The following CNTNAP3B variants were observed in gnomAD, a reference collection of about 807,000 sequenced individuals.
The protein encoded by CNTNAP3B is contactin associated protein family member 3B, also known as contactin-associated protein-like 3B.
In CNTNAP3B, 25 loss-of-function variants were observed where a neutral mutation model predicts 108.9. The observed-to-expected ratio is 0.23, with a 90% confidence interval of 0.17 to 0.32. The LOEUF is 0.32. Ranked by LOEUF, CNTNAP3B falls within the 10% of genes least tolerant of loss-of-function variation. CNTNAP3B has a pLI of 1.00. For synonymous variants in CNTNAP3B, 103 were observed against 473.4 expected (o/e 0.22, Z 10.16); for missense variants, 252 against 1,210.4 (o/e 0.21, Z 11.75).
At chr9:42,057,885 C>T (rs893220500) in intron 3 of CNTNAP3B, among the ~76,000 whole-genome samples, 1 of 131,804 alleles carries the variant, frequency 7.6e-6, no homozygotes, top group Non-Finnish European at 1.6e-5. Flanking sequence ...ACTCGCTAGT[C>T]CCTGGTAACA....
intron 3 of CNTNAP3B, among the ~76,000 whole-genome samples, chr9:42,058,172 C>T (rs1186763517): frequency 1.4e-5 from 2 of 147,548 alleles, no homozygotes; most frequent in Non-Finnish European, 3.0e-5. Context: ...CTGCAATGAA[C>T]ATGGTTGTAC....
At chr9:41,943,901 T>A (rs1437250237) in intron 13 of CNTNAP3B, among the ~76,000 whole-genome samples, 1 of 152,230 alleles carries the variant, frequency 6.6e-6, no homozygotes, top group African/African-American at 2.4e-5. Context: ...TTCTTAAAAT[T>A]AAAATAAAAT....
In CNTNAP3B at chr9:42,031,148, C is replaced by T. The variant is rs1237419858; in HGVS notation, c.391-17623G>A. Among the ~76,000 whole-genome samples the T allele has an allele frequency of 5.1e-5, 4 of 78,550 alleles. No homozygotes were observed. The South Asian group carries it at 1.4e-3, about 27-fold the overall frequency. The allele number at this position is 78,550 out of a possible 152,430, so 51.5% of individuals were successfully genotyped here. A position where few individuals can be genotyped will look rare whatever the true frequency, so the allele number is the denominator to read the frequency against. Reference sequence around the variant, plus strand: ...ATGATTTTTTTTAAACCAACTCTTCCTGATTGGTTCAGGATGTGCTTCTAC... The same window carrying T: ...ATGATTTTTTTTAAACCAACTCTTCTTGATTGGTTCAGGATGTGCTTCTAC... On this transcript the variant is annotated intron_variant, in intron 3 of 23. Coordinates refer to ENST00000377561, the MANE Select transcript of CNTNAP3B (RefSeq NM_001201380.3).
chr9:41,988,395 C>A (rs1825747827), intron 8 of CNTNAP3B, among the ~76,000 whole-genome samples: 1 of 131,910 alleles, frequency 7.6e-6, no homozygotes, highest in Non-Finnish European at 1.6e-5. Flanking sequence ...ACTACAGGCA[C>A]CCGCCACCAC....
chr9:42,070,810 A>G (rs1827360637), intron 3 of CNTNAP3B, among the ~76,000 whole-genome samples: 1 of 152,116 alleles, frequency 6.6e-6, no homozygotes, highest in Non-Finnish European at 1.5e-5. Context: ...CGGAAAATAA[A>G]GATAACAATT....
intron 1 of CNTNAP3B, among the ~76,000 whole-genome samples, chr9:42,109,986 A>C (rs1334246823): frequency 1.4e-5 from 2 of 138,800 alleles, no homozygotes; most frequent in African/African-American, 5.7e-5. Flanking sequence ...GAAGAAACGA[A>C]GAATGCATGT....
At chr9:42,120,080 A>G (rs1828425149) in intron 1 of CNTNAP3B, among the ~76,000 whole-genome samples, 1 of 150,748 alleles carries the variant, frequency 6.6e-6, no homozygotes, top group South Asian at 2.1e-4. Flanking sequence ...TACTCATCTG[A>G]CAAAGGGCTA....
Position 42,080,460 on chromosome 9 carries a change from G to A in CNTNAP3B, c.197-3398C>T, listed in dbSNP as rs189931962. 6.7e-3 allele frequency among the ~76,000 whole-genome samples: 932 copies of A among 138,766 alleles called. 39 individuals are homozygous for A. Among genetic ancestry groups the A allele is most frequent in the East Asian group, 0.018 (81 of 4,556 alleles). 91.0% of individuals were successfully genotyped at this position (138,766 alleles called of 152,430 possible). ...TGCACACAATTTAATTAAACGCTGA[G>A]TGGAAATGGTGGGAAACACAGCGTG... On this transcript the variant is annotated intron_variant, in intron 2 of 23. Transcript: ENST00000377561.
intron 3 of CNTNAP3B, among the ~76,000 whole-genome samples, chr9:42,036,412 G>T (rs1826632207): frequency 1.4e-5 from 2 of 139,722 alleles, no homozygotes; most frequent in South Asian, 4.6e-4. Context: ...TCACTTAAAT[G>T]ATATATGTCA....
chr9:42,024,919 T>G (rs1207277099), intron 3 of CNTNAP3B, among the ~76,000 whole-genome samples: 1 of 143,378 alleles, frequency 7.0e-6, no homozygotes, highest in Non-Finnish European at 1.5e-5. Context: ...TTTCTGAATA[T>G]CCTGGTTTCT....
Position 41,916,859 on chromosome 9 carries a change from AAT to A in CNTNAP3B, c.2995+3209_2995+3210del, listed in dbSNP as rs1450371010. ...ACAATGGTTTTCTTTCATCTCTTTG[AAT>A]ATGTTATCTCACTGTCCTTTGGCCT... On this transcript the variant is annotated intron_variant, in intron 18 of 23. Transcript: ENST00000377561. Among the ~76,000 whole-genome samples, 15 of 149,394 alleles carry A rather than the reference AAT, an allele frequency of 1.0e-4. No individual in the cohort carries two copies. In the South Asian group the frequency reaches 3.2e-3, roughly 32 times the overall value.
At chr9:42,094,994 C>T (rs1827871311) in intron 2 of CNTNAP3B, among the ~76,000 whole-genome samples, 1 of 137,308 alleles carries the variant, frequency 7.3e-6, no homozygotes, top group Admixed American at 7.2e-5. Context: ...ATCAGCATAT[C>T]AGTCACCTCA....
chr9:42,127,811 T>A lies in CNTNAP3B; in HGVS notation c.85+1199A>T, dbSNP rs112410970. ...TGCACAGTGAGTGCATGAACCCATG[T>A]GCGTGCCCTGTGTGTGAAGAAACAA... On this transcript the variant is annotated intron_variant, in intron 1 of 23. Coordinates refer to ENST00000377561, the MANE Select transcript of CNTNAP3B (RefSeq NM_001201380.3). Among the ~76,000 whole-genome samples the A allele has an allele frequency of 2.2e-5, 3 of 139,508 alleles. 1 individual carries two copies. The highest frequency in any genetic ancestry group is 8.5e-5 in the African/African-American group (3 of 35,102). The allele number at this position is 139,508 out of a possible 152,430, so 91.5% of individuals were successfully genotyped here. A position where few individuals can be genotyped will look rare whatever the true frequency, so the allele number is the denominator to read the frequency against.
In CNTNAP3B at chr9:42,117,677, G is replaced by A. The variant is rs1332263615; in HGVS notation, c.85+11333C>T. ...AGAAGGCAAGAAATAACTAAGATCA[G>A]AGCAGAACTGAAGGAAATAGAGACA... On this transcript the variant is annotated intron_variant, in intron 1 of 23. Transcript: ENST00000377561. 2.9e-5 allele frequency among the ~76,000 whole-genome samples: 4 copies of A among 135,622 alleles called. 1 individual carries two copies. Among genetic ancestry groups the A allele is most frequent in the Non-Finnish European group, 6.3e-5 (4 of 63,928 alleles). 89.0% of individuals were successfully genotyped at this position (135,622 alleles called of 152,430 possible). A position where few individuals can be genotyped will look rare whatever the true frequency, so the allele number is the denominator to read the frequency against.
chr9:41,952,445 C>G (rs1178294602), intron 13 of CNTNAP3B, among the ~76,000 whole-genome samples: 1 of 152,238 alleles, frequency 6.6e-6, no homozygotes, highest in Non-Finnish European at 1.5e-5. Flanking sequence ...CAGTATTTAA[C>G]TATAATTAGC....
intron 1 of CNTNAP3B, among the ~76,000 whole-genome samples, chr9:42,115,607 G>T (rs1409614252): frequency 7.8e-6 from 1 of 127,616 alleles, no homozygotes. Context: ...AACAGGGTCT[G>T]GACTGGACCT....
intron 3 of CNTNAP3B, among the ~76,000 whole-genome samples, chr9:42,072,857 T>C (rs1472671752): frequency 1.6e-5 from 2 of 124,764 alleles, no homozygotes; most frequent in African/African-American, 3.4e-5. Flanking sequence ...TTCAGATTCA[T>C]TTCATATATT....
chr9:41,945,455 T>C (rs1824503473), intron 13 of CNTNAP3B, among the ~76,000 whole-genome samples: 1 of 152,308 alleles, frequency 6.6e-6, no homozygotes, highest in Non-Finnish European at 1.5e-5. Context: ...GATGAGTTCA[T>C]GTCCTTTGTA....
Position 42,129,386 on chromosome 9 carries a change from C to G in CNTNAP3B, c.-292G>C. 1 of 318,474 alleles carries G rather than the reference C, an allele frequency of 3.1e-6. No individual in the cohort carries two copies. The allele number at this position is 318,474 out of a possible 1,614,324, so 19.7% of individuals were successfully genotyped here. A position where few individuals can be genotyped will look rare whatever the true frequency, so the allele number is the denominator to read the frequency against. On this transcript the variant is annotated 5_prime_UTR_variant, in exon 1 of 24. Coordinates refer to ENST00000377561, the MANE Select transcript of CNTNAP3B (RefSeq NM_001201380.3). The stretch of plus-strand genomic sequence containing the variant: ...GGAGGCGGCAGGTTCAGGCGCGTCC[C>G]GGACACTAGGCGCGGGAGGCGGCCG...
Sources: allele counts gnomAD v4.1 joint callset (sites outside exome capture counted in the v4.1 genomes callset), GRCh38; gene constraint gnomAD v4.1.1; transcripts MANE v1.5; gene names NCBI Gene and HGNC (gene_info 2026-07-23, HGNC 2026-07-21).